Variants in ACP5 observed in about 807,000 individuals in gnomAD.
ACP5 encodes the protein acid phosphatase 5, tartrate resistant, also known as tartrate-resistant acid phosphatase type 5.
A neutral mutation model predicts 28.7 loss-of-function variants in ACP5; 24 were observed. The ratio of observed to expected loss-of-function variants is 0.84; its 90% CI spans 0.61 to 1.18. ACP5 has a LOEUF of 1.18. Ranked by LOEUF, ACP5 falls within the 50% of genes most tolerant of loss-of-function variation. ACP5 has a pLI of 0.00. For missense variants in ACP5, 354 were observed against 422.2 expected (o/e 0.84, Z 1.42); for synonymous variants, 154 against 181.4 (o/e 0.85, Z 1.21).
At chr19:11,576,169 C>T (rs901552399) in intron 4 of ACP5, 74 bp downstream of exon 4, 3 of 1,319,284 alleles carry the variant, frequency 2.3e-6, no homozygotes, top group Admixed American at 1.9e-5. Flanking sequence ...AGCAGGAGGA[C>T]CCCAGCCATG....
chr19:11,576,202 C>A (rs1413411915), intron 4 of ACP5, 41 bp downstream of exon 4: 1 of 1,565,266 alleles, frequency 6.4e-7, no homozygotes, highest in African/African-American at 1.3e-5. Context: ...GGGATGGGGA[C>A]CCCCCTCACC....
chr19:11,575,059 G>C lies in ACP5; in HGVS notation c.929C>G (p.Ser310Trp), dbSNP rs767699710. ...KEMTVTYIEA[S>W]GKSLFKTRLP... The stretch of plus-strand genomic sequence containing the variant: ...CCTGGTCTTAAAGAGGGACTTGCCC[G>C]AGGCCTCGATGTAAGTGACAGTCAT... Residue 310 changes from serine to tryptophan, a missense_variant, in exon 5 of 5, where the codon TCG becomes TGG. By Grantham distance (177) the Ser-to-Trp change is radical (BLOSUM62 -3). Coordinates refer to ENST00000648477, the MANE Select transcript of ACP5 (RefSeq NM_001611.5). The C allele has an allele frequency of 1.2e-6, 2 of 1,614,046 alleles. No homozygotes were observed. Among genetic ancestry groups the C allele is most frequent in the East Asian group, 4.5e-5 (2 of 44,892 alleles).
chr19:11,576,251 T>G lies in ACP5; in HGVS notation c.727A>C (p.Asn243His). 1 of 1,606,126 alleles carries G rather than the reference T, an allele frequency of 6.2e-7. No homozygotes were observed. ...VTAYLCGHDH[N>H]LQYLQDENGV... ...ACCCACAGGGCCCTCACCTGCAGAT[T>G]GTGATCGTGGCCGCACAGGTAGGCA... is the stretch of plus-strand genomic sequence containing the variant. Residue 243 changes from asparagine (N) to histidine (H), a missense_variant, in exon 4 of 5, where the codon AAT becomes CAT. By Grantham distance (68) the Asn-to-His change is moderately conservative. Transcript: ENST00000648477.
Position 11,576,597 on chromosome 19 carries a change from G to T in ACP5, c.390-9C>A, listed in dbSNP as rs1973164350. On this transcript the variant is annotated splice_polypyrimidine_tract_variant and intron_variant, in intron 3 of 4. Transcript: ENST00000648477. ...AAGGGCTGGGGAAGTTCCTGTGGAGGGGATAGAGGTCGTGGGTGCACATCT... is the reference window on the plus strand; with the variant it reads ...AAGGGCTGGGGAAGTTCCTGTGGAGTGGATAGAGGTCGTGGGTGCACATCT... The T allele has an allele frequency of 6.2e-7, 1 of 1,613,654 alleles. No homozygotes were observed.
Position 11,574,920 on chromosome 19 carries a change from G to A in ACP5, c.*90C>T. 8 of 1,494,104 alleles carry A rather than the reference G, an allele frequency of 5.4e-6. No individual in the cohort carries two copies. The highest frequency in any genetic ancestry group is 2.2e-4 in the Middle Eastern group (1 of 4,632). The allele number at this position is 1,494,104 out of a possible 1,614,324, so 92.6% of individuals were successfully genotyped here. ...TGCCCTGCTGCAGCGCCACAGGTTG[G>A]AGGAAAAGCCTGCCTGTGAGCAGGG... On this transcript the variant is annotated 3_prime_UTR_variant, in exon 5 of 5. Transcript: ENST00000648477.
Position 11,576,588 on chromosome 19 carries a change from C to T in ACP5, c.390G>A (p.Trp130Ter). 6.2e-7 allele frequency: 1 copy of T among 1,613,666 alleles called. No individual in the cohort carries two copies. ...GGCGGTAGAAAGGGCTGGGGAAGTT[C>T]CTGTGGAGGGGATAGAGGTCGTGGG... ...QIAYSKISKR[W>*]NFPSPFYRLH... is the part of the protein sequence containing the mutation. Residue 130 changes from tryptophan (W) to a stop codon, truncating the protein, a stop_gained and splice_region_variant, in exon 4 of 5, where the codon TGG becomes TGA. Transcript: ENST00000648477. LOFTEE classifies it high-confidence loss of function.
Position 11,574,857 on chromosome 19 carries a change from A to G in ACP5, c.*153T>C, listed in dbSNP as rs945682128. ...CGTGGGCATCTGTGCCACAAGGGTC[A>G]TGTGGCACCACAGTTCATCAGCTGT... On this transcript the variant is annotated 3_prime_UTR_variant, in exon 5 of 5. Transcript: ENST00000648477. The G allele has an allele frequency of 7.3e-6, 6 of 816,628 alleles. No individual in the cohort carries two copies. Among genetic ancestry groups the G allele is most frequent in the Non-Finnish European group, 1.2e-5 (6 of 499,192 alleles). 50.6% of individuals were successfully genotyped at this position (816,628 alleles called of 1,614,324 possible). A position where few individuals can be genotyped will look rare whatever the true frequency, so the allele number is the denominator to read the frequency against.
upstream of ACP5, chr19:11,578,938 C>G (rs1973274476): frequency 6.6e-6 from 1 of 152,212 alleles, no homozygotes; most frequent in Admixed American, 6.5e-5. Flanking sequence ...AGGCAGCGGC[C>G]GATCCGCCCT....
rs77911902 is a variant in ACP5, at chr19:11,575,133, A to G, written c.855T>C (p.Thr285=). 9,711 of 1,614,192 alleles carry G rather than the reference A, an allele frequency of 6.0e-3. 495 individuals are homozygous for G. The African/African-American group carries it at 0.11, about 19-fold the overall frequency. ...AGGCAAAGCCACCCAGTGAGTCTTC[A>G]GTCCCATAGTGGAAGCGCAGATAGC... ...PNGYLRFHYG[T]EDSLGGFAYV... Residue 285 remains threonine (T), a synonymous_variant, in exon 5 of 5, where the codon ACT becomes ACC. Coordinates refer to ENST00000648477, the MANE Select transcript of ACP5 (RefSeq NM_001611.5).
chr19:11,576,916 T>C, intron 2 of ACP5, 73 bp from the exon 3 acceptor site: 2 of 1,612,472 alleles, frequency 1.2e-6, no homozygotes. Flanking sequence ...CAAGTCAGGA[T>C]AAGGGAGACA....
chr19:11,575,928 C>T lies in ACP5; in HGVS notation c.735+315G>A, dbSNP rs79859926. Among the ~76,000 whole-genome samples the T allele has an allele frequency of 0.07, 9,800 of 140,766 alleles. 430 individuals carry two copies. Among genetic ancestry groups the T allele is most frequent in the South Asian group, 0.18 (796 of 4,448 alleles). 92.3% of individuals were successfully genotyped at this position (140,766 alleles called of 152,430 possible). On this transcript the variant is annotated intron_variant, in intron 4 of 4. Transcript: ENST00000648477. Reference sequence around the variant, plus strand: ...CTGAAGTGGGAGGTTCACCTGAGCCCGGGAGATTGAAGCTGCAGTAAGCCC... The same window carrying T: ...CTGAAGTGGGAGGTTCACCTGAGCCTGGGAGATTGAAGCTGCAGTAAGCCC...
In ACP5 at chr19:11,576,434, G is replaced by C; in HGVS notation, c.544C>G (p.Arg182Gly). Reference sequence around the variant, plus strand: ...TTCTTGAGCCAGGACAGCTGTGTGCGGGCCAGCTTCACGTCTCGGGGCCTC... The same window carrying C: ...TTCTTGAGCCAGGACAGCTGTGTGCCGGCCAGCTTCACGTCTCGGGGCCTC... ...PERPRDVKLA[R>G]TQLSWLKKQL... The change falls in exon 4 of 5, where the codon CGC (arginine) becomes GGC (glycine). Residue 182 changes from arginine to glycine, a missense_variant. Transcript: ENST00000648477. 6.2e-7 allele frequency: 1 copy of C among 1,614,016 alleles called. No individual in the cohort carries two copies. Among genetic ancestry groups the C allele is most frequent in the Non-Finnish European group, 8.5e-7 (1 of 1,180,026 alleles).
At position 11,576,332 on chromosome 19, in the gene ACP5, G is replaced by T. The variant is rs1372135711; in HGVS notation, c.646C>A (p.Pro216Thr). ...YPVWSIAEHG[P>T]THCLVKQLRP... ...AGCTGCTTGACCAGGCAGTGGGTAGGCCCGTGCTCGGCTATGGACCACACG... is the reference window on the plus strand; with the variant it reads ...AGCTGCTTGACCAGGCAGTGGGTAGTCCCGTGCTCGGCTATGGACCACACG... The change falls in exon 4 of 5, where the codon CCT becomes ACT. Residue 216 changes from proline (P) to threonine (T), a missense_variant. Transcript: ENST00000648477. 3 of 1,611,306 alleles carry T rather than the reference G, an allele frequency of 1.9e-6. No individual in the cohort carries two copies. Among genetic ancestry groups the T allele is most frequent in the African/African-American group, 1.3e-5 (1 of 74,888 alleles).
chr19:11,576,935 T>C, intron 2 of ACP5, 92 bp from the exon 3 acceptor site: 5 of 1,610,546 alleles, frequency 3.1e-6, no homozygotes, highest in Non-Finnish European at 4.2e-6. Context: ...CACTGAATGC[T>C]CCCGGCGCCC....
intron 4 of ACP5, among the ~76,000 whole-genome samples, chr19:11,576,005 C>A (rs1326052083): frequency 2.1e-5 from 1 of 47,372 alleles, no homozygotes; most frequent in Non-Finnish European, 3.8e-5. Flanking sequence ...AACCTTGTCT[C>A]CAAAAAAAAA....
chr19:11,575,114 A>G lies in ACP5; in HGVS notation c.874T>C (p.Phe292Leu). The stretch of plus-strand genomic sequence containing the variant: ...TTGGAGCTGATCTCCACATAGGCAA[A>G]GCCACCCAGTGAGTCTTCAGTCCCA... ...HYGTEDSLGG[F>L]AYVEISSKEM... Residue 292 changes from phenylalanine to leucine, a missense_variant, in exon 5 of 5, where the codon TTT becomes CTT. Transcript: ENST00000648477. The G allele has an allele frequency of 6.2e-7, 1 of 1,614,190 alleles. No homozygotes were observed. Among genetic ancestry groups the G allele is most frequent in the African/African-American group, 1.3e-5 (1 of 75,044 alleles).
At position 11,577,296 on chromosome 19, in the gene ACP5, G is replaced by A. The variant is rs748048119; in HGVS notation, c.22C>T (p.Leu8Phe). ...GGTAGCAACAAGGCTTGCAGGATGA[G>A]CAGCGCCGTCCACATGTCCATCTGG... MDMWTAL[L>F]ILQALLLPSL... Residue 8 changes from leucine (L) to phenylalanine (F), a missense_variant, in exon 2 of 5, where the codon CTC (leucine) becomes TTC (phenylalanine). Transcript: ENST00000648477. The surrounding 1 kb of genome is among the most constrained non-coding windows in gnomAD (Gnocchi z 5.7). 6.2e-6 allele frequency: 10 copies of A among 1,614,034 alleles called. No homozygotes were observed. Among genetic ancestry groups the A allele is most frequent in the South Asian group, 3.3e-5 (3 of 91,080 alleles).
chr19:11,576,120 C>T, intron 4 of ACP5, 123 bp downstream of exon 4: 1 of 718,658 alleles, frequency 1.4e-6, no homozygotes, highest in Non-Finnish European at 2.3e-6. Context: ...ATTTGAGGGA[C>T]AGTCTAGACA....
Position 11,574,883 on chromosome 19 carries a change from G to T in ACP5, c.*127C>A. 1 of 1,103,504 alleles carries T rather than the reference G, an allele frequency of 9.1e-7. No individual in the cohort carries two copies. The highest frequency in any genetic ancestry group is 1.3e-6 in the Non-Finnish European group (1 of 745,344). The allele number at this position is 1,103,504 out of a possible 1,614,324, so 68.4% of individuals were successfully genotyped here. On this transcript the variant is annotated 3_prime_UTR_variant, in exon 5 of 5. Transcript: ENST00000648477. ...TGTGGCACCACAGTTCATCAGCTGT[G>T]TTTCCCCTTCCTGCCCTGCTGCAGC...
Sources: allele counts gnomAD v4.1 joint callset (sites outside exome capture counted in the v4.1 genomes callset), GRCh38; gene constraint gnomAD v4.1.1; non-coding constraint Gnocchi (gnomAD v3.1); transcripts MANE v1.5; gene names NCBI Gene and HGNC (gene_info 2026-07-23, HGNC 2026-07-21).